The following OXR1 variants were observed in gnomAD, a reference collection of about 807,000 sequenced individuals.
OXR1 encodes oxidation resistance protein 1.
OXR1 carries 41 observed loss-of-function variants against 104.6 expected under a neutral mutation model. The ratio of observed to expected loss-of-function variants is 0.39; its 90% CI spans 0.31 to 0.51. The LOEUF (loss-of-function observed/expected upper bound fraction) is 0.51, where lower values mean the gene tolerates loss of function less well. OXR1 is among the 20% of genes least tolerant of loss of function. The pLI is 0.77. For synonymous variants in OXR1, 348 were observed against 348.4 expected, an observed-to-expected ratio of 1.00 and a Z score of 0.01; for missense variants, 955 against 1,031.9, an observed-to-expected ratio of 0.93 and a Z score of 1.02.
rs147860465 is a variant in OXR1 at position 106,706,987 on chromosome 8, A to G, written c.1466A>G (p.Lys489Arg). The G allele has an allele frequency of 1.2e-6, 2 of 1,613,942 alleles. No individual in the cohort carries two copies. Among genetic ancestry groups the G allele is most frequent in the African/African-American group, 1.3e-5 (1 of 75,050 alleles). ...AGTGTTAACAAAGGAAAACAAGGAA[A>G]GGAGCAAAATCAGGACTCACAGACA... ...KQSVNKGKQG[K>R]EQNQDSQTEA... is the part of the protein sequence containing the mutation. Residue 489 changes from lysine (K) to arginine (R), a missense_variant, in exon 9 of 17, where the codon AAG becomes AGG. Coordinates refer to ENST00000517566, the MANE Select transcript of OXR1 (RefSeq NM_001198533.2).
At chr8:106,419,686 T>G (rs1818825905) in intron 2 of OXR1, among the ~76,000 whole-genome samples, 2 of 152,192 alleles carry the variant, frequency 1.3e-5, no homozygotes, top group South Asian at 4.1e-4. Flanking sequence ...AGTTTCTCCC[T>G]GGTTCTTTGT....
intron 3 of OXR1, among the ~76,000 whole-genome samples, chr8:106,523,318 T>A (rs1480256974): frequency 2.0e-5 from 3 of 152,158 alleles, no homozygotes; most frequent in Non-Finnish European, 2.9e-5. Flanking sequence ...AGGAATAAAG[T>A]CCATCATAAA....
intron 2 of OXR1, among the ~76,000 whole-genome samples, chr8:106,378,298 T>C (rs17337301): frequency 0.027 from 4,178 of 152,250 alleles, 61 homozygotes; most frequent in Non-Finnish European, 0.032. Context: ...TGTCAGAGGT[T>C]GTGCTGGGAC....
At chr8:106,366,345 G>T (rs1466061673) in intron 2 of OXR1, among the ~76,000 whole-genome samples, 3 of 152,134 alleles carry the variant, frequency 2.0e-5, no homozygotes, top group Non-Finnish European at 2.9e-5. Context: ...ACATAAAACT[G>T]GGTAGTCCAT....
intron 2 of OXR1, among the ~76,000 whole-genome samples, chr8:106,436,002 T>C (rs548561737): frequency 2.6e-5 from 4 of 152,294 alleles, no homozygotes; most frequent in African/African-American, 9.6e-5. Context: ...AAGGTCACCC[T>C]AGCTTTTTTG....
chr8:106,543,913 T>C (rs1195186524), intron 3 of OXR1, among the ~76,000 whole-genome samples: 1 of 152,214 alleles, frequency 6.6e-6, no homozygotes, highest in Admixed American at 6.5e-5. Flanking sequence ...CTTTTATGAA[T>C]AACTCTCCTT....
At chr8:106,734,077 A>T (rs1233919581) in intron 11 of OXR1, among the ~76,000 whole-genome samples, 13 of 151,166 alleles carry the variant, frequency 8.6e-5, no homozygotes, top group Admixed American at 4.0e-4. Flanking sequence ...TGCAGCCTCA[A>T]CCTGCTGGGC....
intron 11 of OXR1, among the ~76,000 whole-genome samples, chr8:106,729,340 A>G (rs898542438): frequency 2.6e-5 from 4 of 152,118 alleles, no homozygotes; most frequent in African/African-American, 9.7e-5. Context: ...TCAGAATATA[A>G]CAAGAGGAAG....
chr8:106,681,752 TGGGCTCAA>T (rs1298670964), intron 4 of OXR1, among the ~76,000 whole-genome samples: 2 of 152,122 alleles, frequency 1.3e-5, no homozygotes, highest in African/African-American at 4.8e-5. Flanking sequence ...CTTGGACTCC[TGGGCTCAA>T]GTGATCCACC....
chr8:106,450,303 T>G (rs1321047234), intron 2 of OXR1, among the ~76,000 whole-genome samples: 3 of 152,186 alleles, frequency 2.0e-5, no homozygotes, highest in African/African-American at 7.2e-5. Context: ...TTTCTTAAAT[T>G]ACTCCATATC....
At chr8:106,750,581 C>T (rs1290771365) in intron 16 of OXR1, among the ~76,000 whole-genome samples, 1 of 152,012 alleles carries the variant, frequency 6.6e-6, no homozygotes, top group African/African-American at 2.4e-5. Flanking sequence ...CCGCTGGCCT[C>T]GGCCTCCCAA....
Position 106,460,924 on chromosome 8 carries a change from G to T in OXR1, c.24-58019G>T, listed in dbSNP as rs528865041. On this transcript the variant is annotated intron_variant, in intron 2 of 16. Coordinates refer to ENST00000517566, the MANE Select transcript of OXR1 (RefSeq NM_001198533.2). ...GAAGTTATATATAAAGTGCAAGTAA[G>T]TTAATGGGCACGTGTATATTAAATT... Among the ~76,000 whole-genome samples the T allele has an allele frequency of 4.7e-4, 72 of 151,914 alleles. 1 individual carries two copies. In the Middle Eastern group the frequency reaches 0.017, roughly 36 times the overall value.
At chr8:106,627,793 G>T (rs2130876008) in intron 3 of OXR1, among the ~76,000 whole-genome samples, 1 of 152,250 alleles carries the variant, frequency 6.6e-6, no homozygotes, top group East Asian at 1.9e-4. Context: ...AAAGCATTAA[G>T]CATTTTGGCA....
rs920555030 is a variant in OXR1 at position 106,484,768 on chromosome 8, T to A, written c.24-34175T>A. 2.6e-5 allele frequency among the ~76,000 whole-genome samples: 4 copies of A among 151,664 alleles called. No homozygotes were observed. In the South Asian group the frequency reaches 8.3e-4, roughly 32 times the overall value. On this transcript the variant is annotated intron_variant, in intron 2 of 16. Coordinates refer to ENST00000517566, the MANE Select transcript of OXR1 (RefSeq NM_001198533.2). ...TTTGGGGGACAGTTTGGTGTTTTTTTAAAAACAAAAACAAAAACAAAAAAA... is the reference window on the plus strand; with the variant it reads ...TTTGGGGGACAGTTTGGTGTTTTTTAAAAAACAAAAACAAAAACAAAAAAA...
intron 1 of OXR1, among the ~76,000 whole-genome samples, chr8:106,355,594 T>TAACA (rs1815934073): frequency 6.6e-6 from 1 of 152,084 alleles, no homozygotes; most frequent in African/African-American, 2.4e-5. Flanking sequence ...AAAGATGATA[T>TAACA]AACAACAAAA....
At chr8:106,619,561 C>T (rs1001648066) in intron 3 of OXR1, among the ~76,000 whole-genome samples, 1 of 151,950 alleles carries the variant, frequency 6.6e-6, no homozygotes, top group African/African-American at 2.4e-5. Context: ...GGTTGATAAC[C>T]AGTCATAACA....
At chr8:106,325,968 A>G (rs1217147539) in intron 1 of OXR1, among the ~76,000 whole-genome samples, 1 of 152,230 alleles carries the variant, frequency 6.6e-6, no homozygotes. Flanking sequence ...TACTTGTAAA[A>G]GAACAGTAAA....
At chr8:106,494,824 C>T (rs529423432) in intron 2 of OXR1, among the ~76,000 whole-genome samples, 25 of 152,286 alleles carry the variant, frequency 1.6e-4, no homozygotes, top group South Asian at 4.1e-4. Flanking sequence ...GTTTGAGACA[C>T]GCTGTGGTGT....
At chr8:106,660,612 A>G (rs1218013294) in intron 3 of OXR1, among the ~76,000 whole-genome samples, 1 of 152,208 alleles carries the variant, frequency 6.6e-6, no homozygotes, top group Non-Finnish European at 1.5e-5. Context: ...ACAACCCAAC[A>G]TCGGAGGAGT....
Sources: gnomAD v4.1 joint callset for allele counts (sites outside exome capture counted in the v4.1 genomes callset) on GRCh38, gnomAD v4.1.1 for gene constraint, MANE v1.5 for transcripts, NCBI Gene and HGNC (gene_info 2026-07-23, HGNC 2026-07-21) for gene names.